The following NEURL4 variants were observed in gnomAD, a reference collection of about 807,000 sequenced individuals.
The protein encoded by NEURL4 is neuralized E3 ubiquitin protein ligase 4, also known as neuralized-like protein 4.
NEURL4 carries 45 observed loss-of-function variants against 148.0 expected under a neutral mutation model. The observed-to-expected ratio is 0.30, with a 90% CI of 0.24 to 0.39. The LOEUF is 0.39. NEURL4 is among the 10% of genes least tolerant of loss of function. The pLI is 1.00. For synonymous variants in NEURL4, 854 were observed against 869.0 expected, an observed-to-expected ratio of 0.98 and a Z score of 0.30; for missense variants, 1,776 against 2,144.0, an observed-to-expected ratio of 0.83 and a Z score of 3.39.
chr17:7,327,025 GGAA>G lies in NEURL4; in HGVS notation c.794-19_794-17del. The G allele has an allele frequency of 6.2e-7, 1 of 1,607,708 alleles. No homozygotes were observed. Among genetic ancestry groups the G allele is most frequent in the Non-Finnish European group, 8.5e-7 (1 of 1,179,882 alleles). On this transcript the variant is annotated splice_polypyrimidine_tract_variant and intron_variant, in intron 3 of 28. Transcript: ENST00000399464. This position sits in a 1 kb window ranked among gnomAD's most constrained non-coding sequence, Gnocchi z 6.6. ...TTGGCAAAGTCTATAGCAGCAGGAT[GGAA>G]GAAGGAAGCTCGGAAGTTGGGATGA...
Position 7,324,686 on chromosome 17 carries a change from T to C in NEURL4, c.1813+113A>G. ...CACGGGACACTCTCTAGCCACTGAA[T>C]GAGTGGTCACAAGAGTGACAAGTGA... is the stretch of plus-strand genomic sequence containing the variant. On this transcript the variant is annotated intron_variant, in intron 9 of 28. Coordinates refer to ENST00000399464, the MANE Select transcript of NEURL4 (RefSeq NM_032442.3). The surrounding 1 kb of genome is among the most constrained non-coding windows in gnomAD (Gnocchi z 5.9). 1 of 1,252,720 alleles carries C rather than the reference T, an allele frequency of 8.0e-7. No individual in the cohort carries two copies. Among genetic ancestry groups the C allele is most frequent in the Non-Finnish European group, 1.1e-6 (1 of 874,388 alleles). 77.6% of individuals were successfully genotyped at this position (1,252,720 alleles called of 1,614,324 possible). A position where few individuals can be genotyped will look rare whatever the true frequency, so the allele number is the denominator to read the frequency against.
intron 26 of NEURL4, 70 bp downstream of exon 26, chr17:7,317,718 A>G (rs2072969291): frequency 1.3e-6 from 2 of 1,594,822 alleles, no homozygotes; most frequent in African/African-American, 1.3e-5. Context: ...TCTTCCATGC[A>G]CCCTCTTGGG....
Position 7,326,410 on chromosome 17 carries a change from A to AC in NEURL4, c.1204+26dup. ...TTCCCCTCAGCAACACCAGGCCTGC[A>AC]CCCCCGCCCCTGCCCGGGGCTGGTA... On this transcript the variant is annotated intron_variant, in intron 5 of 28. Transcript: ENST00000399464. The surrounding 1 kb of genome is among the most constrained non-coding windows in gnomAD (Gnocchi z 6.0). The AC allele has an allele frequency of 6.2e-7, 1 of 1,612,982 alleles. No individual in the cohort carries two copies.
chr17:7,323,638 G>A lies in NEURL4; in HGVS notation c.2338+9C>T, dbSNP rs35776863. The A allele has an allele frequency of 0.19, 302,231 of 1,612,704 alleles. 32,478 individuals are homozygous for A. Among genetic ancestry groups the A allele is most frequent in the Non-Finnish European group, 0.22 (260,192 of 1,179,030 alleles). On this transcript the variant is annotated intron_variant, in intron 13 of 28. Transcript: ENST00000399464. ...CCAACAGCCCCCAACACACACAGAC[G>A]GCCCTCACCAGCCTCAATGGAGCCT...
rs185388375 is a variant in NEURL4, at chr17:7,327,111, C to T, written c.793+54G>A. The T allele has an allele frequency of 2.4e-3, 3,779 of 1,603,742 alleles. 75 individuals carry two copies. The South Asian group carries it at 0.027, about 11-fold the overall frequency. ...CCTACCCCTTCTCCTGAGGGCCCTCCCTTGTCCACCTCACTTCCCACTCCC... is the reference window on the plus strand; with the variant it reads ...CCTACCCCTTCTCCTGAGGGCCCTCTCTTGTCCACCTCACTTCCCACTCCC... On this transcript the variant is annotated intron_variant, in intron 3 of 28. Transcript: ENST00000399464. The surrounding 1 kb of genome is among the most constrained non-coding windows in gnomAD (Gnocchi z 6.6).
In NEURL4 at chr17:7,324,805, G is replaced by A. The variant is rs1345454576; in HGVS notation, c.1807C>T (p.Arg603Cys). The A allele has an allele frequency of 6.2e-7, 1 of 1,614,166 alleles. No individual in the cohort carries two copies. Among genetic ancestry groups the A allele is most frequent in the Non-Finnish European group, 8.5e-7 (1 of 1,179,998 alleles). ...GCCCTTCCTGGGAGCTCACCAGAGC[G>A]CAAGTTGGTCATGGTGGAGGGCAAC... Reference protein sequence around the residue: ...LQLPSTMTNLRSGTWMMTGNG... With the variant: ...LQLPSTMTNLCSGTWMMTGNG... The change falls in exon 9 of 29, where the codon CGC (arginine) becomes TGC (cysteine). Residue 603 changes from arginine (R) to cysteine (C), a missense_variant. By Grantham distance (180) the Arg-to-Cys change is radical (BLOSUM62 -3). Coordinates refer to ENST00000399464, the MANE Select transcript of NEURL4 (RefSeq NM_032442.3). The surrounding 1 kb of genome is among the most constrained non-coding windows in gnomAD (Gnocchi z 5.9).
In NEURL4 at chr17:7,323,497, G is replaced by A. The variant is rs2073058680; in HGVS notation, c.2405C>T (p.Thr802Ile). The A allele has an allele frequency of 6.2e-7, 1 of 1,614,080 alleles. No individual in the cohort carries two copies. Among genetic ancestry groups the A allele is most frequent in the Non-Finnish European group, 8.5e-7 (1 of 1,180,030 alleles). The change falls in exon 14 of 29, where the codon ACA (threonine) becomes ATA (isoleucine). Residue 802 changes from threonine (T) to isoleucine (I), a missense_variant. Transcript: ENST00000399464. ...CAGGAAGCCCAACCTCAGCATCCAT[G>A]TGTCATAGTCAATGTCTGTCATGGT... is the stretch of plus-strand genomic sequence containing the variant. ...PNTMTDIDYD[T>I]WMLSGTAIMQ...
At position 7,316,239 on chromosome 17, in the gene NEURL4, G is replaced by A. The variant is rs1191619451; in HGVS notation, c.4573C>T (p.Pro1525Ser). 1.9e-6 allele frequency: 3 copies of A among 1,613,936 alleles called. No homozygotes were observed. Among genetic ancestry groups the A allele is most frequent in the South Asian group, 1.1e-5 (1 of 91,070 alleles). Residue 1525 changes from proline (P) to serine (S), a missense_variant, in exon 29 of 29, where the codon CCT becomes TCT. Physicochemically the swap from Pro to Ser is moderately conservative, Grantham distance 74. Coordinates refer to ENST00000399464, the MANE Select transcript of NEURL4 (RefSeq NM_032442.3). ...VRPGSYTPGPPSAALGEPPDP... is the reference protein window; with the variant it reads ...VRPGSYTPGPSSAALGEPPDP... ...GGAGGTTCTCCAAGGGCAGCGGAAG[G>A]GGGTCCCGGGGTGTAGGAGCCAGGG... is the stretch of plus-strand genomic sequence containing the variant.
chr17:7,323,184 C>T, intron 14 of NEURL4, 61 bp from the exon 15 acceptor site: 4 of 1,545,306 alleles, frequency 2.6e-6, no homozygotes, highest in Non-Finnish European at 3.5e-6. Flanking sequence ...TTGGCCCCTG[C>T]CCACTCCCTG....
In NEURL4 at chr17:7,317,491, T is replaced by C; in HGVS notation, c.4288A>G (p.Arg1430Gly). 1 of 1,614,128 alleles carries C rather than the reference T, an allele frequency of 6.2e-7. No homozygotes were observed. The highest frequency in any genetic ancestry group is 1.1e-5 in the South Asian group (1 of 91,082). The change falls in exon 27 of 29, where the codon AGA (arginine) becomes GGA (glycine). Residue 1430 changes from arginine (R) to glycine (G), a missense_variant. Transcript: ENST00000399464. ...YHGSNVAAVR[R>G]VLDRGELGAG... ...CCCAGCTCCCCTCGGTCCAGCACTC[T>C]CCGTACAGCGGCAACATTGCTCCCG...
chr17:7,325,224 G>A lies in NEURL4; in HGVS notation c.1616C>T (p.Thr539Ile). 6.3e-7 allele frequency: 1 copy of A among 1,597,958 alleles called. No homozygotes were observed. Among genetic ancestry groups the A allele is most frequent in the Non-Finnish European group, 8.5e-7 (1 of 1,174,954 alleles). The change falls in exon 8 of 29, where the codon ACT (threonine) becomes ATT (isoleucine). Residue 539 changes from threonine to isoleucine, a missense_variant. Transcript: ENST00000399464. ...TGGGCCATACTGGGGCCTCAGGGCA[G>A]TGCGTCCCTCGTGGGTGATGGCTGC... ...QKAAITHEGR[T>I]ALRPHATDDF...
At position 7,327,990 on chromosome 17, in the gene NEURL4, G is replaced by A. The variant is rs1408434243; in HGVS notation, c.283-106C>T. ...CAGCTAGCTGGCTTTCTGTCTCTTGGAACACTAATCCAGAGATGCAGACAG... is the reference window on the plus strand; with the variant it reads ...CAGCTAGCTGGCTTTCTGTCTCTTGAAACACTAATCCAGAGATGCAGACAG... On this transcript the variant is annotated intron_variant, in intron 1 of 28. Transcript: ENST00000399464. This position sits in a 1 kb window ranked among gnomAD's most constrained non-coding sequence, Gnocchi z 6.6. The A allele has an allele frequency of 3.4e-6, 3 of 869,790 alleles. No homozygotes were observed. Among genetic ancestry groups the A allele is most frequent in the Non-Finnish European group, 3.5e-6 (2 of 579,602 alleles). The allele number at this position is 869,790 out of a possible 1,614,324, so 53.9% of individuals were successfully genotyped here.
intron 8 of NEURL4, 76 bp from the exon 9 acceptor site, chr17:7,325,056 T>A: frequency 6.3e-7 from 1 of 1,578,026 alleles, no homozygotes; most frequent in Non-Finnish European, 8.7e-7. Flanking sequence ...CAGCAATGCC[T>A]GCCAACACTC....
At chr17:7,319,736 C>T (rs78114802) in intron 21 of NEURL4, among the ~76,000 whole-genome samples, 1 of 125,186 alleles carries the variant, frequency 8.0e-6, no homozygotes, top group Non-Finnish European at 1.9e-5. Flanking sequence ...AAAAAAAAAA[C>T]ATGCTGTTTG....
chr17:7,316,266 GCA>G lies in NEURL4; in HGVS notation c.4544_4545del (p.Val1515AlafsTer19). ...GGTCCCGGGGTGTAGGAGCCAGGGC[GCA>G]CACACACCTGGAACGCCACCTGAGC... Reference protein sequence around the residue: ...HQAQVAFQVCVRPGSYTPGPP... With the variant: ...HQAQVAFQVCXRPGSYTPGPP... On this transcript the variant is annotated frameshift_variant, in exon 29 of 29. Coordinates refer to ENST00000399464, the MANE Select transcript of NEURL4 (RefSeq NM_032442.3). LOFTEE classifies it high-confidence loss of function. 1 of 1,613,542 alleles carries G rather than the reference GCA, an allele frequency of 6.2e-7. No individual in the cohort carries two copies. The highest frequency in any genetic ancestry group is 8.5e-7 in the Non-Finnish European group (1 of 1,179,930).
At position 7,319,372 on chromosome 17, in the gene NEURL4, CTCTTTTTT is replaced by C. The variant is rs1567618981; in HGVS notation, c.3526-172_3526-165del. On this transcript the variant is annotated intron_variant, in intron 21 of 28. Coordinates refer to ENST00000399464, the MANE Select transcript of NEURL4 (RefSeq NM_032442.3). ...AACGCTAATTTAGTTGTTTCTTTCC[CTCTTTTTT>C]TTTTTTTTTTTTTTTTTTTTTTTAA... 1.7e-3 allele frequency among the ~76,000 whole-genome samples: 169 copies of C among 99,254 alleles called. 2 individuals are homozygous for C. The highest frequency in any genetic ancestry group is 5.3e-3 in the African/African-American group (161 of 30,264). The allele number at this position is 99,254 out of a possible 152,430, so 65.1% of individuals were successfully genotyped here.
chr17:7,317,315 G>A lies in NEURL4; in HGVS notation c.4374C>T (p.Phe1458=), dbSNP rs752327546. 3.9e-6 allele frequency: 6 copies of A among 1,538,472 alleles called. No homozygotes were observed. The highest frequency in any genetic ancestry group is 2.3e-5 in the East Asian group (1 of 44,262). Residue 1458 remains phenylalanine (F), a synonymous_variant, in exon 28 of 29, where the codon TTC becomes TTT. Coordinates refer to ENST00000399464, the MANE Select transcript of NEURL4 (RefSeq NM_032442.3). The part of the protein sequence containing the change: ...RPLKGEPGVG[F]EEPGENCAPP... ...GTGCACAGTTCTCGCCAGGCTCCTC[G>A]AACCCTACCCCAGGTTCTCCCTTCA...
chr17:7,328,037 G>A (rs1015272854), intron 1 of NEURL4, among the ~76,000 whole-genome samples, 153 bp from the exon 2 acceptor site: 1 of 152,140 alleles, frequency 6.6e-6, no homozygotes, highest in Admixed American at 6.5e-5. Context: ...ACTCCGTCTT[G>A]GTAATTATTT....
rs756090258 is a variant in NEURL4 at position 7,319,129 on chromosome 17, T to C, written c.3605A>G (p.Asn1202Ser). The change falls in exon 22 of 29, where the codon AAC becomes AGC. Residue 1202 changes from asparagine (N) to serine (S), a missense_variant. Transcript: ENST00000399464. ...GVITCAPERL[N>S]FPASACALKR... ...GAGGGCACAGGCAGAAGCAGGGAAG[T>C]TGAGCCTCTCAGGCGCGCAGGTGAT... is the stretch of plus-strand genomic sequence containing the variant. 1 of 1,614,084 alleles carries C rather than the reference T, an allele frequency of 6.2e-7. No homozygotes were observed. The highest frequency in any genetic ancestry group is 1.7e-5 in the Admixed American group (1 of 60,010).
Sources: allele counts gnomAD v4.1 joint callset (sites outside exome capture counted in the v4.1 genomes callset), GRCh38; gene constraint gnomAD v4.1.1; non-coding constraint Gnocchi (gnomAD v3.1); transcripts MANE v1.5; gene names NCBI Gene and HGNC (gene_info 2026-07-23, HGNC 2026-07-21).